Variants in COL11A1 observed in about 807,000 individuals in gnomAD.
COL11A1 encodes the protein collagen type XI alpha 1 chain.
In COL11A1, 74 loss-of-function variants were observed where a neutral mutation model predicts 265.2. The observed-to-expected ratio is 0.28, with a 90% confidence interval of 0.23 to 0.34. COL11A1 has a LOEUF of 0.34. COL11A1 is among the 10% of genes least tolerant of loss of function. COL11A1 has a pLI of 1.00. For synonymous variants in COL11A1, 816 were observed against 727.6 expected (o/e 1.12, Z -1.96); for missense variants, 2,165 against 2,263.6 (o/e 0.96, Z 0.88).
intron 24 of COL11A1, among the ~76,000 whole-genome samples, chr1:102,999,899 A>G (rs1664959301): frequency 6.6e-6 from 1 of 151,868 alleles, no homozygotes; most frequent in South Asian, 2.1e-4. Context: ...TAAATACATT[A>G]TCATTAAAAA....
intron 46 of COL11A1, among the ~76,000 whole-genome samples, chr1:102,923,773 A>G (rs924501596): frequency 6.6e-5 from 10 of 152,108 alleles, no homozygotes; most frequent in African/African-American, 2.4e-4. Flanking sequence ...TGAGGTTTTT[A>G]TAGTTAGGTA....
intron 66 of COL11A1, 58 bp from the exon 67 acceptor site, chr1:102,878,223 C>T (rs1429757251): frequency 3.4e-6 from 5 of 1,475,258 alleles, no homozygotes; most frequent in Non-Finnish European, 4.6e-6. Context: ...TTAAATGCAT[C>T]TTATTTTTTC....
chr1:102,950,566 C>T (rs528747038), intron 41 of COL11A1, among the ~76,000 whole-genome samples: 26 of 152,128 alleles, frequency 1.7e-4, no homozygotes, highest in African/African-American at 6.0e-4. Flanking sequence ...TATATCTTAG[C>T]ATTCTACTTT....
chr1:102,898,850 A>T, intron 55 of COL11A1, 77 bp from the exon 56 acceptor site: 1 of 1,402,918 alleles, frequency 7.1e-7, no homozygotes, highest in Non-Finnish European at 9.9e-7. Flanking sequence ...CACTGAAAAA[A>T]GTAGATCAGT....
At position 102,935,061 on chromosome 1, in the gene COL11A1, G is replaced by A; in HGVS notation, c.3491C>T (p.Ala1164Val). The A allele has an allele frequency of 3.1e-6, 5 of 1,613,854 alleles. No homozygotes were observed. Among genetic ancestry groups the A allele is most frequent in the Non-Finnish European group, 4.2e-6 (5 of 1,179,778 alleles). The change falls in exon 45 of 67, where the codon GCT becomes GTT. Residue 1164 changes from alanine to valine, a missense_variant and splice_region_variant. Ala to Val is a moderately conservative substitution (Grantham distance 64). Transcript: ENST00000370096. ...LQGPVGAPGI[A>V]GGDGEPGPRG... ...TGCTGAACAATGTGGAATACTCACA[G>A]CAATTCCAGGGGCACCAACTGGTCC...
intron 53 of COL11A1, among the ~76,000 whole-genome samples, chr1:102,912,662 C>A (rs894293563): frequency 6.6e-5 from 10 of 152,030 alleles, no homozygotes; most frequent in African/African-American, 2.4e-4. Flanking sequence ...TGGCTGTGTC[C>A]CTACCCAAAT....
chr1:103,074,868 A>G, intron 3 of COL11A1, 88 bp from the exon 4 acceptor site: 3 of 1,443,626 alleles, frequency 2.1e-6, no homozygotes, highest in East Asian at 2.3e-5. Flanking sequence ...TGTATTTTAA[A>G]TTATAAAAAT....
intron 39 of COL11A1, 123 bp from the exon 40 acceptor site, chr1:102,962,388 T>C (rs993621564): frequency 9.6e-6 from 8 of 830,466 alleles, no homozygotes; most frequent in African/African-American, 3.4e-5. Context: ...GATGAGAATA[T>C]TGGGTGGAAT....
At chr1:103,040,873 TATTA>T (rs1161383305) in intron 4 of COL11A1, among the ~76,000 whole-genome samples, 1 of 151,748 alleles carries the variant, frequency 6.6e-6, no homozygotes, top group Admixed American at 6.6e-5. Flanking sequence ...ACATAAAAGC[TATTA>T]ATTATTATTC....
intron 37 of COL11A1, among the ~76,000 whole-genome samples, chr1:102,967,326 C>T (rs953735091): frequency 7.4e-6 from 1 of 135,924 alleles, no homozygotes; most frequent in Non-Finnish European, 1.6e-5. Flanking sequence ...CTGCAAGCTC[C>T]GCCTCCCAGG....
intron 4 of COL11A1, among the ~76,000 whole-genome samples, chr1:103,045,715 CCACT>C (rs1301577189): frequency 6.6e-6 from 1 of 151,670 alleles, no homozygotes; most frequent in Non-Finnish European, 1.5e-5. Flanking sequence ...TGTGCTGCAC[CCACT>C]AACTCCTCAT....
chr1:103,078,910 T>G, intron 2 of COL11A1, 39 bp from the exon 3 acceptor site: 1 of 1,425,764 alleles, frequency 7.0e-7, no homozygotes, highest in Non-Finnish European at 9.8e-7. Flanking sequence ...ATTTCCAATT[T>G]CCAATTTCTA....
chr1:102,927,329 C>A (rs1425047738), intron 46 of COL11A1, among the ~76,000 whole-genome samples: 2 of 152,004 alleles, frequency 1.3e-5, no homozygotes, highest in Admixed American at 6.6e-5. Context: ...CCGTGGATCA[C>A]TAGGAAGAGA....
At position 103,027,307 on chromosome 1, in the gene COL11A1, TAA is replaced by T. The variant is rs555722616; in HGVS notation, c.781-977_781-976del. 2.7e-3 allele frequency among the ~76,000 whole-genome samples: 403 copies of T among 148,506 alleles called. 5 individuals carry two copies. The highest frequency in any genetic ancestry group is 9.2e-3 in the African/African-American group (375 of 40,744). ...ATCAAGATATAGATATTATTAAACA[TAA>T]GTTAAATTCAGTTTTTAATAAAAAT... On this transcript the variant is annotated intron_variant, in intron 5 of 66. Transcript: ENST00000370096.
chr1:102,885,453 A>T (rs1650846551), intron 63 of COL11A1, among the ~76,000 whole-genome samples: 1 of 151,974 alleles, frequency 6.6e-6, no homozygotes, highest in Admixed American at 6.6e-5. Context: ...TGGTGCTGGA[A>T]CTCTAAACAA....
intron 4 of COL11A1, among the ~76,000 whole-genome samples, chr1:103,063,222 T>C (rs2102211254): frequency 6.6e-6 from 1 of 152,070 alleles, no homozygotes; most frequent in East Asian, 1.9e-4. Flanking sequence ...ATATTCCAAA[T>C]TCATAAGAAG....
In COL11A1 at chr1:103,015,660, G is replaced by A; in HGVS notation, c.1488+8C>T. 1 of 1,595,402 alleles carries A rather than the reference G, an allele frequency of 6.3e-7. No homozygotes were observed. On this transcript the variant is annotated splice_region_variant and intron_variant, in intron 12 of 66. Coordinates refer to ENST00000370096, the MANE Select transcript of COL11A1 (RefSeq NM_001854.4). ...CAAGTCATCTCTATAACATAAAAAA[G>A]AACATACCGGTAACATCAACATAGT...
chr1:103,028,064 C>T (rs1004506288), intron 5 of COL11A1, among the ~76,000 whole-genome samples: 1 of 152,064 alleles, frequency 6.6e-6, no homozygotes, highest in African/African-American at 2.4e-5. Context: ...GAGTCGCGCT[C>T]TGTCGCCCAG....
At chr1:102,880,373 T>A (rs1207689353) in intron 65 of COL11A1, among the ~76,000 whole-genome samples, 1 of 152,200 alleles carries the variant, frequency 6.6e-6, no homozygotes, top group Non-Finnish European at 1.5e-5. Flanking sequence ...GTATCAACTT[T>A]ACCCAAATCT....
Sources: allele counts gnomAD v4.1 joint callset (sites outside exome capture counted in the v4.1 genomes callset), GRCh38; gene constraint gnomAD v4.1.1; transcripts MANE v1.5; gene names NCBI Gene and HGNC (gene_info 2026-07-23, HGNC 2026-07-21).